The following ZFR2 variants were observed in gnomAD, a reference collection of about 807,000 sequenced individuals.
ZFR2 encodes the protein zinc finger RNA-binding protein 2.
A neutral mutation model predicts 105.7 loss-of-function variants in ZFR2; 104 were observed. That is an observed-to-expected ratio of 0.98 (90% CI 0.84 to 1.16). The LOEUF (loss-of-function observed/expected upper bound fraction) is 1.16. Among genes scored for constraint, ZFR2 ranks in the 50% most tolerant of loss-of-function variants. The pLI is 0.00. For synonymous variants in ZFR2, 634 were observed against 597.7 expected, an observed-to-expected ratio of 1.06 and a Z score of -0.89; for missense variants, 1,425 against 1,355.5, an observed-to-expected ratio of 1.05 and a Z score of -0.80.
chr19:3,836,755 A>T (rs1416918223), intron 1 of ZFR2, among the ~76,000 whole-genome samples: 1 of 152,190 alleles, frequency 6.6e-6, no homozygotes, highest in Non-Finnish European at 1.5e-5. Flanking sequence ...AAGGAGGACC[A>T]GGGGCTCATG....
At position 3,858,241 on chromosome 19, in the gene ZFR2, T is replaced by C. The variant is rs1332644506; in HGVS notation, c.53+10724A>G. On this transcript the variant is annotated intron_variant, in intron 1 of 18. Coordinates refer to ENST00000262961, the MANE Select transcript of ZFR2 (RefSeq NM_015174.2). This position sits in a 1 kb window ranked among gnomAD's most constrained non-coding sequence, Gnocchi z 4.3. The stretch of plus-strand genomic sequence containing the variant: ...TCTGTAGGGCCATGCTCTTGCTTGC[T>C]CCGAAGAGACGGAGCAGGCTTAGGT... Among the ~76,000 whole-genome samples, 1 of 152,052 alleles carries C rather than the reference T, an allele frequency of 6.6e-6. No individual in the cohort carries two copies.
chr19:3,861,518 T>G (rs1490224093), intron 1 of ZFR2, among the ~76,000 whole-genome samples: 1 of 152,016 alleles, frequency 6.6e-6, no homozygotes, highest in Non-Finnish European at 1.5e-5. Context: ...CCCAACTACT[T>G]AGGAGGCCGA....
At chr19:3,815,264 A>G (rs2037813102) in intron 13 of ZFR2, among the ~76,000 whole-genome samples, 1 of 151,594 alleles carries the variant, frequency 6.6e-6, no homozygotes, top group Non-Finnish European at 1.5e-5. Context: ...TAATTTTTGT[A>G]TTTTTAGTAC....
intron 1 of ZFR2, chr19:3,855,273 C>A: frequency 1.3e-6 from 1 of 790,436 alleles, no homozygotes; most frequent in South Asian, 6.7e-5. Context: ...TTTGCATTTT[C>A]AGAACAAAGG....
rs370882239 is a variant in ZFR2, at chr19:3,822,109, C to T, written c.1463G>A (p.Arg488Lys). Residue 488 changes from arginine (R) to lysine (K), a missense_variant, in exon 9 of 19, where the codon AGG (arginine) becomes AAG (lysine). Physicochemically the swap from Arg to Lys is conservative, Grantham distance 26. Coordinates refer to ENST00000262961, the MANE Select transcript of ZFR2 (RefSeq NM_015174.2). ...GTACTGCAGCCGGTGCCGCCGCCCCCTCACGTGCAGGTCCTTCGCGTTAAG... is the reference window on the plus strand; with the variant it reads ...GTACTGCAGCCGGTGCCGCCGCCCCTTCACGTGCAGGTCCTTCGCGTTAAG... ...NDLNAKDLHVRGRRHRLQYRK... is the reference protein window; with the variant it reads ...NDLNAKDLHVKGRRHRLQYRK... The T allele has an allele frequency of 7.4e-5, 119 of 1,608,984 alleles. No homozygotes were observed. Among genetic ancestry groups the T allele is most frequent in the South Asian group, 5.7e-4 (51 of 89,914 alleles).
chr19:3,809,437 C>T (rs942763112), intron 16 of ZFR2, among the ~76,000 whole-genome samples: 1 of 152,176 alleles, frequency 6.6e-6, no homozygotes, highest in Non-Finnish European at 1.5e-5. Flanking sequence ...TATCCCACCA[C>T]GTCCCCCCTG....
intron 1 of ZFR2, among the ~76,000 whole-genome samples, chr19:3,842,935 C>T (rs1039573303): frequency 1.3e-5 from 2 of 152,062 alleles, no homozygotes; most frequent in African/African-American, 4.8e-5. Context: ...CATTTCAGAA[C>T]ATTTCATGAC....
chr19:3,840,591 G>A (rs993254102), intron 1 of ZFR2, among the ~76,000 whole-genome samples: 4 of 152,068 alleles, frequency 2.6e-5, no homozygotes, highest in Non-Finnish European at 4.4e-5. Context: ...GTGTAGTGAC[G>A]TGATCATAGC....
At chr19:3,825,103 G>A in intron 7 of ZFR2, 127 bp downstream of exon 7, 1 of 1,154,592 alleles carries the variant, frequency 8.7e-7, no homozygotes, top group South Asian at 1.9e-5. Flanking sequence ...GACGGCACCA[G>A]CCAGCCCCTC....
rs1359915056 is a variant in ZFR2 at position 3,810,764 on chromosome 19, C to A, written c.2419G>T (p.Ala807Ser). Residue 807 changes from alanine (A) to serine (S), a missense_variant, in exon 16 of 19, where the codon GCC becomes TCC. By Grantham distance (99) the Ala-to-Ser change is moderately conservative. Coordinates refer to ENST00000262961, the MANE Select transcript of ZFR2 (RefSeq NM_015174.2). ...DLCRRVPTWG[A>S]LPAWAMELLV... Reference sequence around the variant, plus strand: ...CACTGCCTTACCCAGGCTGGCAGGGCCCCCCAGGTGGGCACACGCCGGCAG... The same window carrying A: ...CACTGCCTTACCCAGGCTGGCAGGGACCCCCAGGTGGGCACACGCCGGCAG... The A allele has an allele frequency of 5.4e-5, 83 of 1,548,748 alleles. No homozygotes were observed. The highest frequency in any genetic ancestry group is 6.8e-5 in the Non-Finnish European group (78 of 1,146,096).
intron 14 of ZFR2, among the ~76,000 whole-genome samples, chr19:3,812,556 A>G (rs764745487): frequency 6.6e-5 from 10 of 152,006 alleles, no homozygotes; most frequent in African/African-American, 2.2e-4. Flanking sequence ...CACCCGAGCC[A>G]GGAAAGAGCC....
chr19:3,810,842 G>A lies in ZFR2; in HGVS notation c.2341C>T (p.Arg781Ter), dbSNP rs770388068. 3.4e-5 allele frequency: 52 copies of A among 1,550,212 alleles called. No individual in the cohort carries two copies. In the Middle Eastern group the frequency reaches 3.5e-3, roughly 105 times the overall value. ...ALRHARWFQA[R>*]ASGLQPCVIV... ...ACGCATGGCTGCAGGCCGCTGGCTC[G>A]AGCCTTCGGGGGAGAAGCACACGGT... is the stretch of plus-strand genomic sequence containing the variant. The change falls in exon 16 of 19, where the codon CGA becomes TGA. Residue 781 changes from arginine to a stop codon, truncating the protein, a stop_gained. Transcript: ENST00000262961. LOFTEE classifies it high-confidence loss of function.
At position 3,813,861 on chromosome 19, in the gene ZFR2, A is replaced by G. The variant is rs752740690; in HGVS notation, c.2201T>C (p.Val734Ala). Residue 734 changes from valine to alanine, a missense_variant, in exon 14 of 19, where the codon GTC (valine) becomes GCC (alanine). Val to Ala is a moderately conservative substitution (Grantham distance 64, BLOSUM62 0). Transcript: ENST00000262961. This position sits in a 1 kb window ranked among gnomAD's most constrained non-coding sequence, Gnocchi z 4.4. ...EEPRMQVTIS[V>A]TSPLMREDPS... ...GTCCTCCCGCATCAGAGGTGAGGTG[A>G]CAGATATGGTGACCTGCATCCTGGG... 6.2e-7 allele frequency: 1 copy of G among 1,613,870 alleles called. No individual in the cohort carries two copies. Among genetic ancestry groups the G allele is most frequent in the South Asian group, 1.1e-5 (1 of 91,078 alleles).
At chr19:3,830,455 T>C (rs776513433) in intron 5 of ZFR2, among the ~76,000 whole-genome samples, 2 of 152,080 alleles carry the variant, frequency 1.3e-5, no homozygotes, top group South Asian at 2.1e-4. Context: ...CTCAAACTTC[T>C]ATGCGAGCAC....
chr19:3,812,990 G>A (rs2037783163), intron 14 of ZFR2, among the ~76,000 whole-genome samples: 1 of 152,190 alleles, frequency 6.6e-6, no homozygotes, highest in South Asian at 2.1e-4. Flanking sequence ...TGAGGCAGGA[G>A]AATCGCTTGA....
At chr19:3,853,532 T>C (rs72975109) in intron 1 of ZFR2, among the ~76,000 whole-genome samples, 2,549 of 152,182 alleles carry the variant, frequency 0.017, 35 homozygotes, top group Middle Eastern at 0.034. Flanking sequence ...ACATGCTGCA[T>C]GGATGAACCT....
rs189542805 is a variant in ZFR2, at chr19:3,809,243, G to A, written c.2434-260C>T. Among the ~76,000 whole-genome samples the A allele has an allele frequency of 6.6e-4, 100 of 152,288 alleles. No homozygotes were observed. The East Asian group carries it at 7.8e-3, about 12-fold the overall frequency. ...GCTGGAGTGCAGTGGCACGATCTCA[G>A]CTCACTGCAACCTCTGCTTCCCCGG... is the stretch of plus-strand genomic sequence containing the variant. On this transcript the variant is annotated intron_variant, in intron 16 of 18. Coordinates refer to ENST00000262961, the MANE Select transcript of ZFR2 (RefSeq NM_015174.2).
rs750687396 is a variant in ZFR2 at position 3,820,231 on chromosome 19, T to C, written c.1691A>G (p.Gln564Arg). 3.9e-6 allele frequency: 6 copies of C among 1,551,018 alleles called. No homozygotes were observed. The South Asian group carries it at 4.8e-5, about 12-fold the overall frequency. Reference sequence around the variant, plus strand: ...CTCCGGCCTGCCCATGAGCAGAGGCTGGGCCCAGTCGGGCGGCGCGTGGGG... The same window carrying C: ...CTCCGGCCTGCCCATGAGCAGAGGCCGGGCCCAGTCGGGCGGCGCGTGGGG... The part of the protein sequence containing the change: ...VPPHAPPDWA[Q>R]PLLMGRPESP... The change falls in exon 11 of 19, where the codon CAG (glutamine) becomes CGG (arginine). Residue 564 changes from glutamine (Q) to arginine (R), a missense_variant. Transcript: ENST00000262961.
chr19:3,813,024 G>T lies in ZFR2; in HGVS notation c.2242+796C>A, dbSNP rs2037783726. Among the ~76,000 whole-genome samples the T allele has an allele frequency of 6.6e-6, 1 of 152,196 alleles. No homozygotes were observed. The highest frequency in any genetic ancestry group is 1.5e-5 in the Non-Finnish European group (1 of 68,044). ...GAACCCAGGCGGCGGAAGTTGCAGTGAGCTGAGATTGCGCCATTGCACTCC... is the reference window on the plus strand; with the variant it reads ...GAACCCAGGCGGCGGAAGTTGCAGTTAGCTGAGATTGCGCCATTGCACTCC... On this transcript the variant is annotated intron_variant, in intron 14 of 18. Transcript: ENST00000262961. The surrounding 1 kb of genome is among the most constrained non-coding windows in gnomAD (Gnocchi z 4.4).
Sources: allele counts gnomAD v4.1 joint callset (sites outside exome capture counted in the v4.1 genomes callset), GRCh38; gene constraint gnomAD v4.1.1; non-coding constraint Gnocchi (gnomAD v3.1); transcripts MANE v1.5; gene names NCBI Gene and HGNC (gene_info 2026-07-23, HGNC 2026-07-21).